The following NRXN3 variants were observed in gnomAD, a reference collection of about 807,000 sequenced individuals.
NRXN3 encodes the protein neurexin III.
In NRXN3, 32 loss-of-function variants were observed where a neutral mutation model predicts 137.6. That is an observed-to-expected ratio of 0.23 (90% CI 0.18 to 0.31). The LOEUF (loss-of-function observed/expected upper bound fraction) is 0.31. Among genes scored for constraint, NRXN3 ranks in the 10% least tolerant of loss-of-function variants. NRXN3 has a pLI of 1.00. For synonymous variants in NRXN3, 798 were observed against 784.5 expected, an observed-to-expected ratio of 1.02 and a Z score of -0.29; for missense variants, 1,574 against 2,062.5, an observed-to-expected ratio of 0.76 and a Z score of 4.59.
At chr14:79,146,320 A>T (rs138953403) in intron 15 of NRXN3, among the ~76,000 whole-genome samples, 1 of 152,294 alleles carries the variant, frequency 6.6e-6, no homozygotes, top group East Asian at 1.9e-4. Flanking sequence ...TCTAGCATCA[A>T]GTTGGTAAGA....
chr14:79,843,264 A>G (rs1350844352), intron 20 of NRXN3, among the ~76,000 whole-genome samples: 45 of 152,228 alleles, frequency 3.0e-4, no homozygotes, highest in Admixed American at 2.9e-3. Context: ...GTATGTTTAT[A>G]CCATACTGTG....
rs530690645 is a variant in NRXN3 at position 78,822,636 on chromosome 14, C to T, written c.2275+12292C>T. On this transcript the variant is annotated intron_variant, in intron 10 of 20. Coordinates refer to ENST00000335750, the MANE Select transcript of NRXN3 (RefSeq NM_001330195.2). ...GTTACAGTGAGCCGAGATCGTGCCACTGGACTCCAGCCTGGGTAACAGAGC... is the reference window on the plus strand; with the variant it reads ...GTTACAGTGAGCCGAGATCGTGCCATTGGACTCCAGCCTGGGTAACAGAGC... Among the ~76,000 whole-genome samples, 21 of 151,430 alleles carry T rather than the reference C, an allele frequency of 1.4e-4. No individual in the cohort carries two copies. The South Asian group carries it at 3.8e-3, about 27-fold the overall frequency.
intron 16 of NRXN3, among the ~76,000 whole-genome samples, chr14:79,617,814 G>A (rs868691245): frequency 6.6e-5 from 10 of 150,594 alleles, no homozygotes; most frequent in Non-Finnish European, 1.3e-4. Flanking sequence ...CATCAACTAG[G>A]TTTTCTGGAA....
intron 15 of NRXN3, among the ~76,000 whole-genome samples, chr14:79,429,289 A>G (rs1351925319): frequency 6.6e-6 from 1 of 152,316 alleles, no homozygotes; most frequent in East Asian, 1.9e-4. Flanking sequence ...CACTTTTCCT[A>G]TTCAACCATA....
chr14:79,729,684 C>T lies in NRXN3; in HGVS notation c.4014+31747C>T, dbSNP rs78366647. ...CTTTTCAATTTCAAAGTCAAAATAA[C>T]AACTCTAGGCTCCTCCTCCTTCCTC... On this transcript the variant is annotated intron_variant, in intron 19 of 20. Coordinates refer to ENST00000335750, the MANE Select transcript of NRXN3 (RefSeq NM_001330195.2). 3.3e-3 allele frequency among the ~76,000 whole-genome samples: 507 copies of T among 152,234 alleles called. 19 individuals carry two copies. The East Asian group carries it at 0.083, about 25-fold the overall frequency.
At chr14:79,401,844 G>A (rs1206090545) in intron 15 of NRXN3, among the ~76,000 whole-genome samples, 5 of 148,320 alleles carry the variant, frequency 3.4e-5, no homozygotes, top group Admixed American at 6.7e-5. Context: ...TAGTTTTCCT[G>A]GTAATGAAAA....
chr14:79,063,165 A>C (rs1382819473), intron 15 of NRXN3, among the ~76,000 whole-genome samples: 1 of 152,208 alleles, frequency 6.6e-6, no homozygotes, highest in Non-Finnish European at 1.5e-5. Context: ...GCTTCCAAAC[A>C]CTGAATTCTT....
intron 16 of NRXN3, among the ~76,000 whole-genome samples, chr14:79,563,165 C>A (rs1158108309): frequency 2.0e-5 from 3 of 152,126 alleles, no homozygotes; most frequent in African/African-American, 7.2e-5. Flanking sequence ...GAAAGACTTT[C>A]TTTAATGCTA....
At chr14:78,593,336 A>T (rs916847053) in intron 4 of NRXN3, among the ~76,000 whole-genome samples, 3 of 152,210 alleles carry the variant, frequency 2.0e-5, no homozygotes, top group Non-Finnish European at 4.4e-5. Context: ...CTTCTCTGAA[A>T]GCGTCCCTCT....
chr14:78,554,704 G>C (rs989988002), intron 4 of NRXN3, among the ~76,000 whole-genome samples: 4 of 152,182 alleles, frequency 2.6e-5, no homozygotes, highest in African/African-American at 9.7e-5. Flanking sequence ...TTCACCCACA[G>C]GATGCTCATG....
intron 16 of NRXN3, among the ~76,000 whole-genome samples, chr14:79,522,277 T>A (rs985038755): frequency 6.6e-6 from 1 of 152,024 alleles, no homozygotes; most frequent in Admixed American, 6.6e-5. Context: ...TCCAGGACAA[T>A]AATCTAAACT....
At chr14:78,351,782 C>CTTTTTTT (rs11423743) in intron 4 of NRXN3, among the ~76,000 whole-genome samples, 1 of 127,866 alleles carries the variant, frequency 7.8e-6, no homozygotes, top group Non-Finnish European at 1.6e-5. Context: ...TGGTATTTTT[C>CTTTTTTT]TTTTTTTTTT....
In NRXN3 at chr14:79,667,110, G is replaced by A. The variant is rs115376426; in HGVS notation, c.3616+3161G>A. Among the ~76,000 whole-genome samples the A allele has an allele frequency of 8.9e-3, 1,358 of 152,088 alleles. 19 individuals carry two copies. Among genetic ancestry groups the A allele is most frequent in the African/African-American group, 0.031 (1,298 of 41,522 alleles). ...AGTATCATGAGAAAAATCTGGCAATGTTTATTTTAAATCATAAGATCAAAA... is the reference window on the plus strand; with the variant it reads ...AGTATCATGAGAAAAATCTGGCAATATTTATTTTAAATCATAAGATCAAAA... On this transcript the variant is annotated intron_variant, in intron 17 of 20. Coordinates refer to ENST00000335750, the MANE Select transcript of NRXN3 (RefSeq NM_001330195.2).
chr14:78,740,707 T>G (rs2098563862), intron 8 of NRXN3, among the ~76,000 whole-genome samples: 1 of 152,136 alleles, frequency 6.6e-6, no homozygotes, highest in African/African-American at 2.4e-5. Flanking sequence ...CATGTTGGCT[T>G]GCAGGAAACT....
intron 19 of NRXN3, among the ~76,000 whole-genome samples, chr14:79,715,415 G>C (rs1177441079): frequency 6.6e-6 from 1 of 152,218 alleles, no homozygotes; most frequent in Non-Finnish European, 1.5e-5. Context: ...AGACTGTGGA[G>C]ATTCTGGCAA....
intron 4 of NRXN3, among the ~76,000 whole-genome samples, chr14:78,533,947 T>C (rs1343440774): frequency 2.0e-5 from 3 of 152,232 alleles, no homozygotes; most frequent in African/African-American, 7.2e-5. Context: ...TTGACACACA[T>C]GAGCTGCTTA....
intron 2 of NRXN3, among the ~76,000 whole-genome samples, chr14:78,276,441 G>A (rs998391728): frequency 6.6e-6 from 1 of 152,134 alleles, no homozygotes; most frequent in African/African-American, 2.4e-5. Flanking sequence ...AATATTTTTT[G>A]ATATTTCCGT....
intron 16 of NRXN3, among the ~76,000 whole-genome samples, chr14:79,529,524 A>G (rs2097151297): frequency 6.6e-6 from 1 of 152,230 alleles, no homozygotes; most frequent in Non-Finnish European, 1.5e-5. Flanking sequence ...CTCACCACAT[A>G]TGTGAGAAAA....
At chr14:79,809,890 A>T (rs1035475752) in intron 20 of NRXN3, among the ~76,000 whole-genome samples, 1 of 152,206 alleles carries the variant, frequency 6.6e-6, no homozygotes, top group Non-Finnish European at 1.5e-5. Context: ...GGAAAAGGAT[A>T]CCCTCATGAG....
Sources: allele counts gnomAD v4.1 joint callset (sites outside exome capture counted in the v4.1 genomes callset), GRCh38; gene constraint gnomAD v4.1.1; transcripts MANE v1.5; gene names NCBI Gene and HGNC (gene_info 2026-07-23, HGNC 2026-07-21).